Variants in ARFGEF3 observed in about 807,000 individuals in gnomAD.
The protein encoded by ARFGEF3 is ARFGEF family member 3.
ARFGEF3 carries 96 observed loss-of-function variants against 221.7 expected under a neutral mutation model. That is an observed-to-expected ratio of 0.43 (90% CI 0.37 to 0.51). The LOEUF is 0.51. Ranked by LOEUF, ARFGEF3 falls within the 20% of genes least tolerant of loss-of-function variation. The pLI, the probability that ARFGEF3 is intolerant of heterozygous loss-of-function variation, is 0.00. For missense variants in ARFGEF3, 2,410 were observed against 2,789.9 expected (o/e 0.86, Z 3.07); for synonymous variants, 1,145 against 1,126.8 (o/e 1.02, Z -0.32).
chr6:138,291,833 G>A lies in ARFGEF3; in HGVS notation c.3148G>A (p.Ala1050Thr), dbSNP rs1296992061. 2 of 1,498,806 alleles carry A rather than the reference G, an allele frequency of 1.3e-6. No homozygotes were observed. The highest frequency in any genetic ancestry group is 2.2e-5 in the Admixed American group (1 of 45,932). 92.8% of individuals were successfully genotyped at this position (1,498,806 alleles called of 1,614,324 possible). A position where few individuals can be genotyped will look rare whatever the true frequency, so the allele number is the denominator to read the frequency against. ...ISQPQKATGS[A>T]GLLGDPECEG... ...CCAGCCCCAGAAGGCCACTGGAAGC[G>A]CTGGCCTCCTTGGGGACCCCGAGTG... Residue 1050 changes from alanine to threonine, a missense_variant, in exon 19 of 34, where the codon GCT (alanine) becomes ACT (threonine). This residue lies in a region of ARFGEF3 where 184 missense variants were observed against 141.8 expected (regional missense o/e 1.30). Coordinates refer to ENST00000251691, the MANE Select transcript of ARFGEF3 (RefSeq NM_020340.5). This position sits in a 1 kb window ranked among gnomAD's most constrained non-coding sequence, Gnocchi z 4.5.
intron 32 of ARFGEF3, among the ~76,000 whole-genome samples, chr6:138,328,870 G>A (rs1780171376): frequency 6.6e-6 from 1 of 152,116 alleles, no homozygotes; most frequent in African/African-American, 2.4e-5. Context: ...GATGGCGCAT[G>A]CCTGTAGTCC....
intron 2 of ARFGEF3, among the ~76,000 whole-genome samples, chr6:138,206,516 A>T (rs1158204726): frequency 6.6e-6 from 1 of 152,174 alleles, no homozygotes; most frequent in East Asian, 1.9e-4. Context: ...AGCAAATGTT[A>T]AATTTATAAA....
intron 2 of ARFGEF3, among the ~76,000 whole-genome samples, chr6:138,198,150 AT>A (rs1191056975): frequency 6.6e-5 from 10 of 152,164 alleles, no homozygotes; most frequent in African/African-American, 2.4e-4. Flanking sequence ...ATTTAGAATT[AT>A]TTCTACTAGA....
intron 2 of ARFGEF3, among the ~76,000 whole-genome samples, chr6:138,176,256 A>G (rs906728944): frequency 7.4e-5 from 11 of 147,998 alleles, no homozygotes; most frequent in African/African-American, 2.2e-4. Context: ...ATCTCAGCTC[A>G]CTGCAACCTC....
chr6:138,332,740 C>T (rs1336567294), intron 32 of ARFGEF3, among the ~76,000 whole-genome samples: 2 of 152,022 alleles, frequency 1.3e-5, no homozygotes, highest in Non-Finnish European at 2.9e-5. Context: ...TTGTGTACAT[C>T]AAAAAGTTAA....
intron 2 of ARFGEF3, among the ~76,000 whole-genome samples, chr6:138,193,540 T>C (rs1777351748): frequency 6.6e-6 from 1 of 152,216 alleles, no homozygotes; most frequent in African/African-American, 2.4e-5. Flanking sequence ...TAAATATTTA[T>C]TAAAGAAATG....
chr6:138,237,815 A>G lies in ARFGEF3; in HGVS notation c.421-694A>G, dbSNP rs566793646. ...AAGCCCCATGTCCCAAATAGGACCA[A>G]TATTTCTGAAACAACTCTATTAGCA... On this transcript the variant is annotated intron_variant, in intron 5 of 33. Transcript: ENST00000251691. Among the ~76,000 whole-genome samples, 27 of 152,310 alleles carry G rather than the reference A, an allele frequency of 1.8e-4. No individual in the cohort carries two copies. The South Asian group carries it at 5.6e-3, about 32-fold the overall frequency.
intron 14 of ARFGEF3, among the ~76,000 whole-genome samples, chr6:138,284,074 G>A (rs1235484085): frequency 6.6e-6 from 1 of 152,188 alleles, no homozygotes; most frequent in East Asian, 1.9e-4. Context: ...GAAGGCAGAG[G>A]CGGGAGGATC....
chr6:138,331,953 T>C (rs577294777), intron 32 of ARFGEF3, among the ~76,000 whole-genome samples: 1 of 152,282 alleles, frequency 6.6e-6, no homozygotes, highest in South Asian at 2.1e-4. Flanking sequence ...GGGAATTTGC[T>C]GTCCTTTTTT....
rs1778158164 is a variant in ARFGEF3 at position 138,229,894 on chromosome 6, T to C, written c.420+42T>C. ...TCTGTGCCTCCTGTTCACAGCTGCTTTATCTCTGACTGGGATAAATATTGG... is the reference window on the plus strand; with the variant it reads ...TCTGTGCCTCCTGTTCACAGCTGCTCTATCTCTGACTGGGATAAATATTGG... On this transcript the variant is annotated intron_variant, in intron 5 of 33. Transcript: ENST00000251691. The C allele has an allele frequency of 2.0e-6, 3 of 1,522,440 alleles. No homozygotes were observed. The East Asian group carries it at 6.8e-5, about 34-fold the overall frequency. 94.3% of individuals were successfully genotyped at this position (1,522,440 alleles called of 1,614,324 possible).
chr6:138,250,361 G>A (rs1778557201), intron 8 of ARFGEF3, among the ~76,000 whole-genome samples: 1 of 151,974 alleles, frequency 6.6e-6, no homozygotes, highest in Admixed American at 6.6e-5. Flanking sequence ...GACTTAGAAA[G>A]ATACTTACTT....
At chr6:138,292,144 T>C in intron 19 of ARFGEF3, 91 bp downstream of exon 19, 2 of 1,088,534 alleles carry the variant, frequency 1.8e-6, no homozygotes, top group Non-Finnish European at 1.2e-6. Context: ...GGACGACCCA[T>C]TTGTTAGCCA....
Position 138,313,874 on chromosome 6 carries a change from A to G in ARFGEF3, c.4280A>G (p.Gln1427Arg). 1 of 1,613,982 alleles carries G rather than the reference A, an allele frequency of 6.2e-7. No individual in the cohort carries two copies. The highest frequency in any genetic ancestry group is 8.5e-7 in the Non-Finnish European group (1 of 1,179,860). Residue 1427 changes from glutamine to arginine, a missense_variant, in exon 26 of 34, where the codon CAG (glutamine) becomes CGG (arginine). By Grantham distance (43) the Gln-to-Arg change is conservative. Around this residue, in one of 5 missense-constraint regions of ARFGEF3, gnomAD observed 723 missense variants for 991.9 expected, o/e 0.73. Coordinates refer to ENST00000251691, the MANE Select transcript of ARFGEF3 (RefSeq NM_020340.5). ...GRLAGLPRRL[Q>R]EQSASSEDGI... ...CTTGCCGGCTTGCCTCGAAGACTTC[A>G]GGAACAGTCAGCCAGCAGTGAGGAT...
Position 138,255,694 on chromosome 6 carries a change from C to T in ARFGEF3, c.1029C>T (p.Leu343=). ...CTGTGGACTCCATGAAGCCCGTGCT[C>T]CAGTCCCTCTACCACCGAGTGCTGC... ...VGSVDSMKPV[L]QSLYHRVLLY... is the part of the protein sequence containing the mutation. Residue 343 remains leucine (L), a synonymous_variant, in exon 10 of 34, where the codon CTC becomes CTT. Transcript: ENST00000251691. 1 of 1,612,862 alleles carries T rather than the reference C, an allele frequency of 6.2e-7. No individual in the cohort carries two copies.
intron 12 of ARFGEF3, among the ~76,000 whole-genome samples, chr6:138,267,694 C>T (rs1353790051): frequency 6.6e-6 from 1 of 152,146 alleles, no homozygotes; most frequent in Non-Finnish European, 1.5e-5. Flanking sequence ...CAAATCAATA[C>T]TTATTTATAG....
intron 4 of ARFGEF3, chr6:138,218,227 CT>C (rs1562357521): frequency 6.2e-7 from 1 of 1,613,684 alleles, no homozygotes; most frequent in African/African-American, 1.3e-5. Context: ...TTTACTTTTT[CT>C]TTTTTTCGAA....
intron 17 of ARFGEF3, among the ~76,000 whole-genome samples, 194 bp from the exon 18 acceptor site, chr6:138,289,624 G>A (rs974126531): frequency 3.9e-5 from 6 of 152,214 alleles, no homozygotes; most frequent in African/African-American, 1.4e-4. Flanking sequence ...CTGGAGAGCT[G>A]GGGCCACCAG....
chr6:138,183,400 A>G (rs1777119007), intron 2 of ARFGEF3, among the ~76,000 whole-genome samples: 1 of 152,256 alleles, frequency 6.6e-6, no homozygotes, highest in Admixed American at 6.5e-5. Context: ...AAAGGTGTGC[A>G]TGCCCAGGCA....
intron 10 of ARFGEF3, among the ~76,000 whole-genome samples, chr6:138,257,572 A>G (rs1305124240): frequency 3.3e-5 from 5 of 152,154 alleles, no homozygotes; most frequent in Non-Finnish European, 7.3e-5. Flanking sequence ...CAAAGTCCCA[A>G]AGAAAAAGAA....
Sources: gnomAD v4.1 joint callset for allele counts (sites outside exome capture counted in the v4.1 genomes callset) on GRCh38, gnomAD v4.1.1 for gene constraint, gnomAD v4.1.1 regional missense constraint, Gnocchi (gnomAD v3.1) non-coding constraint, MANE v1.5 for transcripts, NCBI Gene and HGNC (gene_info 2026-07-23, HGNC 2026-07-21) for gene names.